FGF14: variants seen among roughly 807,000 people sequenced by gnomAD.
FGF14 encodes fibroblast growth factor homologous factor 4.
A neutral mutation model predicts 25.5 loss-of-function variants in FGF14; 5 were observed. That is an observed-to-expected ratio of 0.20 (90% CI 0.10 to 0.41). The LOEUF is 0.41. FGF14 is among the 10% of genes least tolerant of loss of function. FGF14 has a pLI of 1.00. For synonymous variants in FGF14, 138 were observed against 118.3 expected (o/e 1.17, Z -1.08); for missense variants, 222 against 320.1 (o/e 0.69, Z 2.34).
intron 3 of FGF14, among the ~76,000 whole-genome samples, chr13:101,846,158 T>G (rs1226646704): frequency 6.6e-6 from 1 of 152,000 alleles, no homozygotes; most frequent in Non-Finnish European, 1.5e-5. Context: ...AAAGAAATAC[T>G]AATGTCTATC....
intron 1 of FGF14, among the ~76,000 whole-genome samples, chr13:101,963,932 T>C (rs1019542639): frequency 2.0e-5 from 3 of 152,136 alleles, no homozygotes; most frequent in Non-Finnish European, 2.9e-5. Flanking sequence ...ACAAGAGGAG[T>C]TGAAACACTT....
intron 1 of FGF14, among the ~76,000 whole-genome samples, chr13:101,983,657 TATGAA>T (rs1452012374): frequency 5.9e-5 from 9 of 152,322 alleles, no homozygotes; most frequent in Admixed American, 1.3e-4. Context: ...TGGAATACTT[TATGAA>T]ATGAAGAACC....
chr13:102,033,434 A>G (rs758872159), intron 1 of FGF14, among the ~76,000 whole-genome samples: 4 of 152,120 alleles, frequency 2.6e-5, no homozygotes, highest in African/African-American at 2.4e-5. Flanking sequence ...CTATATTTTA[A>G]AAGAACACCA....
chr13:102,364,243 G>T (rs1314834132), intron 1 of FGF14, among the ~76,000 whole-genome samples: 1 of 152,246 alleles, frequency 6.6e-6, no homozygotes, highest in Non-Finnish European at 1.5e-5. Context: ...AAAAGCACTT[G>T]TGCTGTAAAA....
intron 1 of FGF14, among the ~76,000 whole-genome samples, chr13:102,310,234 C>T (rs911696245): frequency 1.3e-5 from 2 of 152,190 alleles, no homozygotes; most frequent in African/African-American, 4.8e-5. Flanking sequence ...TAGTTTTACT[C>T]TTGCCCTCTT....
intron 1 of FGF14, among the ~76,000 whole-genome samples, chr13:102,115,777 G>T (rs948833186): frequency 1.3e-5 from 2 of 150,876 alleles, no homozygotes; most frequent in Admixed American, 6.6e-5. Context: ...AATCCTCAGC[G>T]ACACACGATT....
At chr13:101,835,382 G>A (rs2042874299) in intron 3 of FGF14, among the ~76,000 whole-genome samples, 1 of 151,890 alleles carries the variant, frequency 6.6e-6, no homozygotes, top group South Asian at 2.1e-4. Flanking sequence ...CCTACCTCAA[G>A]GACAAAAATC....
At chr13:102,317,335 G>A (rs888634966) in intron 1 of FGF14, among the ~76,000 whole-genome samples, 1 of 151,666 alleles carries the variant, frequency 6.6e-6, no homozygotes, top group Admixed American at 6.6e-5. Flanking sequence ...ATTCCCACCT[G>A]CATTCTGTAT....
chr13:102,256,834 T>C (rs1036932843), intron 1 of FGF14, among the ~76,000 whole-genome samples: 3 of 152,214 alleles, frequency 2.0e-5, no homozygotes, highest in African/African-American at 7.2e-5. Context: ...GACTTTAAGT[T>C]ATATGTTATG....
At chr13:102,299,493 AT>A (rs1292576840) in intron 1 of FGF14, among the ~76,000 whole-genome samples, 1 of 152,090 alleles carries the variant, frequency 6.6e-6, no homozygotes, top group African/African-American at 2.4e-5. Context: ...CGATCATACT[AT>A]TGTCAGAAAT....
At chr13:102,342,244 A>T (rs2056974757) in intron 1 of FGF14, among the ~76,000 whole-genome samples, 1 of 152,020 alleles carries the variant, frequency 6.6e-6, no homozygotes, top group African/African-American at 2.4e-5. Flanking sequence ...CGGTGGCATA[A>T]CTCCCAGCTC....
At chr13:102,101,447 T>C (rs1175724722) in intron 1 of FGF14, among the ~76,000 whole-genome samples, 1 of 152,206 alleles carries the variant, frequency 6.6e-6, no homozygotes, top group Non-Finnish European at 1.5e-5. Context: ...AGCAGATAAT[T>C]CATGGGTATA....
At chr13:101,724,554 C>T (rs1192407126) in intron 4 of FGF14, among the ~76,000 whole-genome samples, 1 of 147,320 alleles carries the variant, frequency 6.8e-6, no homozygotes, top group East Asian at 2.0e-4. Context: ...CACAAACCTG[C>T]ACGTTGTGCA....
At chr13:101,757,854 G>A (rs762391572) in intron 3 of FGF14, among the ~76,000 whole-genome samples, 13 of 152,186 alleles carry the variant, frequency 8.5e-5, no homozygotes, top group Non-Finnish European at 1.9e-4. Flanking sequence ...TTAATGTCAT[G>A]TTAAAGTCAT....
chr13:101,953,054 T>C (rs2036275337), intron 1 of FGF14, among the ~76,000 whole-genome samples: 1 of 137,286 alleles, frequency 7.3e-6, no homozygotes, highest in African/African-American at 2.9e-5. Flanking sequence ...AAATAAACTG[T>C]CTTGGAAAGT....
intron 3 of FGF14, among the ~76,000 whole-genome samples, chr13:101,844,522 C>T (rs1003103043): frequency 6.6e-6 from 1 of 152,014 alleles, no homozygotes; most frequent in Non-Finnish European, 1.5e-5. Flanking sequence ...TTACAGCTCT[C>T]TTACAGTATG....
chr13:101,815,540 C>T (rs1159095730), intron 3 of FGF14, among the ~76,000 whole-genome samples: 3 of 152,150 alleles, frequency 2.0e-5, no homozygotes, highest in Non-Finnish European at 2.9e-5. Context: ...GGGAGAAGGG[C>T]GGATTGGAGT....
At chr13:101,725,560 C>T (rs1298384150) in intron 4 of FGF14, among the ~76,000 whole-genome samples, 2 of 152,026 alleles carry the variant, frequency 1.3e-5, no homozygotes, top group African/African-American at 4.8e-5. Context: ...TATACACTCA[C>T]AGATGATGAA....
intron 1 of FGF14, among the ~76,000 whole-genome samples, chr13:102,176,787 C>T (rs954257927): frequency 3.3e-5 from 5 of 152,036 alleles, no homozygotes; most frequent in Admixed American, 2.6e-4. Flanking sequence ...ATGTCTATTA[C>T]CTTGATCATG....
Sources: allele counts gnomAD v4.1 joint callset (sites outside exome capture counted in the v4.1 genomes callset), GRCh38; gene constraint gnomAD v4.1.1; transcripts MANE v1.5; gene names NCBI Gene and HGNC (gene_info 2026-07-23, HGNC 2026-07-21).